ENOSF1: variants seen among roughly 807,000 people sequenced by gnomAD.
The protein encoded by ENOSF1 is mitochondrial enolase superfamily member 1.
Under a neutral mutation model 68.2 loss-of-function variants are expected in ENOSF1, and 73 were observed. The ratio of observed to expected loss-of-function variants is 1.07; its 90% CI spans 0.89 to 1.30. The LOEUF (loss-of-function observed/expected upper bound fraction) is 1.30, where lower values mean the gene tolerates loss of function less well. Among genes scored for constraint, ENOSF1 ranks in the 50% most tolerant of loss-of-function variants. The pLI, the probability that ENOSF1 is intolerant of heterozygous loss-of-function variation, is 0.00. For missense variants in ENOSF1, 589 were observed against 554.5 expected (o/e 1.06, Z -0.62); for synonymous variants, 223 against 210.4 (o/e 1.06, Z -0.52).
the ENOSF1 span, among the ~76,000 whole-genome samples, chr18:664,284 G>GA: frequency 1.7e-4 from 25 of 151,124 alleles, no homozygotes; most frequent in African/African-American, 5.9e-4. Context: ...AAGCAATTGT[G>GA]AGTGGAAGTT....
At position 677,880 on chromosome 18, in the gene ENOSF1, T is replaced by TA. The variant is rs1568018652; in HGVS notation, c.919-9dup. The TA allele has an allele frequency of 2.5e-6, 4 of 1,610,516 alleles. No individual in the cohort carries two copies. The highest frequency in any genetic ancestry group is 3.4e-6 in the Non-Finnish European group (4 of 1,178,996). ...TATCACTCTATTGTGGCACTGGAAA[T>TA]AGAATTGAAAATAACACCAACAGAA... On this transcript the variant is annotated splice_polypyrimidine_tract_variant and intron_variant, in intron 12 of 15. Coordinates refer to ENST00000647584, the MANE Select transcript of ENOSF1 (RefSeq NM_017512.7).
downstream of ENOSF1, chr18:667,818 C>T (rs2074887677): frequency 6.6e-6 from 1 of 152,068 alleles, no homozygotes; most frequent in Non-Finnish European, 1.5e-5. Context: ...TGAGGCCAGT[C>T]CCCGGGCTTA....
Position 675,337 on chromosome 18 carries a change from G to C in ENOSF1, c.1214C>G (p.Ser405Cys). 6.2e-7 allele frequency: 1 copy of C among 1,612,140 alleles called. No homozygotes were observed. The highest frequency in any genetic ancestry group is 1.1e-5 in the South Asian group (1 of 90,140). The change falls in exon 15 of 16, where the codon TCC (serine) becomes TGC (cysteine). Residue 405 changes from serine (S) to cysteine (C), a missense_variant. Physicochemically the swap from Ser to Cys is moderately radical, Grantham distance 112 (BLOSUM62 -1). Coordinates refer to ENST00000647584, the MANE Select transcript of ENOSF1 (RefSeq NM_017512.7). The part of the protein sequence containing the change: ...FKYPVMIQRA[S>C]YMPPKDPGYS... ...ACAGCTTACCTTGGGAGGCATGTAG[G>C]AAGCCCGCTGGATCATCACGGGATA...
At chr18:679,532 T>C (rs1340148555) in intron 11 of ENOSF1, among the ~76,000 whole-genome samples, 1 of 147,958 alleles carries the variant, frequency 6.8e-6, no homozygotes, top group African/African-American at 2.5e-5. Flanking sequence ...GATTCCAAAA[T>C]CCTCTTCCTT....
intron 3 of ENOSF1, among the ~76,000 whole-genome samples, chr18:694,910 T>C (rs1444138936): frequency 6.6e-6 from 1 of 152,162 alleles, no homozygotes; most frequent in Admixed American, 6.5e-5. Context: ...AAGTTGCAAA[T>C]ATCATGCTCT....
chr18:694,269 CA>C lies in ENOSF1; in HGVS notation c.374del (p.Leu125CysfsTer26). The C allele has an allele frequency of 6.2e-7, 1 of 1,614,226 alleles. No homozygotes were observed. The highest frequency in any genetic ancestry group is 8.5e-7 in the Non-Finnish European group (1 of 1,180,048). ...TTACCTTTCCCTCCTGCTTGGCCCACAAGTCCCACACCGCGTTTAGGACGGC... is the reference window on the plus strand; with the variant it reads ...TTACCTTTCCCTCCTGCTTGGCCCACAGTCCCACACCGCGTTTAGGACGGC... ...TAAVLNAVWDLWAKQEGKPVW... is the reference protein window; with the variant it reads ...TAAVLNAVWDXWAKQEGKPVW... On this transcript the variant is annotated frameshift_variant, in exon 4 of 16. Coordinates refer to ENST00000647584, the MANE Select transcript of ENOSF1 (RefSeq NM_017512.7). LOFTEE classifies it high-confidence loss of function.
chr18:671,519 G>C lies in ENOSF1; in HGVS notation c.*2786C>G, dbSNP rs1482600465. On this transcript the variant is annotated 3_prime_UTR_variant, in exon 16 of 16. Transcript: ENST00000647584. ...TGATAAAAGGTTGACTGTGGAACAG[G>C]CATCTGCTCAATGCTGTGTCCAAGA... The C allele has an allele frequency of 9.8e-7, 1 of 1,025,332 alleles. No individual in the cohort carries two copies. Among genetic ancestry groups the C allele is most frequent in the East Asian group, 2.4e-5 (1 of 42,252 alleles). The allele number at this position is 1,025,332 out of a possible 1,614,324, so 63.5% of individuals were successfully genotyped here.
At chr18:669,056 T>G (rs1424874170), downstream of ENOSF1, 1 of 1,608,238 alleles carries the variant, frequency 6.2e-7, no homozygotes, top group South Asian at 1.1e-5. Flanking sequence ...GTCCTCTCTT[T>G]TTGACAATTC....
At chr18:677,273 C>G (rs1169304192) in intron 14 of ENOSF1, 72 bp downstream of exon 14, 1 of 1,265,286 alleles carries the variant, frequency 7.9e-7, no homozygotes, top group Non-Finnish European at 1.1e-6. Context: ...GTCATGAAGG[C>G]AGAATTTACA....
rs2075238812 is a variant in ENOSF1, at chr18:674,268, T to C, written c.*37A>G. 7.0e-7 allele frequency: 1 copy of C among 1,419,960 alleles called. No homozygotes were observed. The highest frequency in any genetic ancestry group is 1.2e-5 in the South Asian group (1 of 81,084). 88.0% of individuals were successfully genotyped at this position (1,419,960 alleles called of 1,614,324 possible). A position where few individuals can be genotyped will look rare whatever the true frequency, so the allele number is the denominator to read the frequency against. ...TATTTCCAAGAAATTTTAAGCCCTT[T>C]CACTTCAGAAAGAAAAAAGTTGTTG... On this transcript the variant is annotated 3_prime_UTR_variant, in exon 16 of 16. Coordinates refer to ENST00000647584, the MANE Select transcript of ENOSF1 (RefSeq NM_017512.7).
At chr18:668,953 G>T, downstream of ENOSF1, 1 of 728,386 alleles carries the variant, frequency 1.4e-6, no homozygotes, top group Non-Finnish European at 2.2e-6. Flanking sequence ...CAGATGTCTT[G>T]TAGCCATGGG....
intron 8 of ENOSF1, among the ~76,000 whole-genome samples, chr18:689,051 T>C (rs2076901668): frequency 6.6e-6 from 1 of 152,150 alleles, no homozygotes; most frequent in African/African-American, 2.4e-5. Flanking sequence ...GCCTTGAGCA[T>C]GACGCAACTT....
intron 10 of ENOSF1, among the ~76,000 whole-genome samples, chr18:683,884 G>A (rs569851824): frequency 6.6e-6 from 1 of 152,022 alleles, no homozygotes; most frequent in Non-Finnish European, 1.5e-5. Flanking sequence ...ACTCCACTAG[G>A]CACTTTATGG....
downstream of ENOSF1, chr18:669,009 G>A (rs575637886): frequency 3.6e-6 from 5 of 1,395,824 alleles, no homozygotes; most frequent in South Asian, 1.2e-5. Context: ...TGACCTCTAA[G>A]GCCATCTCAT....
intron 11 of ENOSF1, among the ~76,000 whole-genome samples, chr18:682,531 G>C (rs907966257): frequency 3.9e-5 from 6 of 152,078 alleles, no homozygotes; most frequent in Admixed American, 2.0e-4. Context: ...TGGGGCACAT[G>C]ACTGTGCCAA....
At chr18:668,818 C>A (rs553713794), downstream of ENOSF1, among the ~76,000 whole-genome samples, 13 of 152,098 alleles carry the variant, frequency 8.5e-5, no homozygotes, top group East Asian at 1.5e-3. Context: ...CCATGACAGA[C>A]CAAATATTCA....
chr18:677,535 A>G, intron 13 of ENOSF1, 91 bp from the exon 14 acceptor site: 2 of 1,255,328 alleles, frequency 1.6e-6, no homozygotes, highest in South Asian at 1.4e-5. Flanking sequence ...TATTGCCCAC[A>G]GGTGATTAAA....
intron 11 of ENOSF1, among the ~76,000 whole-genome samples, chr18:682,395 G>A (rs554320226): frequency 1.3e-5 from 2 of 152,152 alleles, no homozygotes; most frequent in East Asian, 1.9e-4. Flanking sequence ...AAGGTAATGC[G>A]TTGCACCACA....
At chr18:693,337 T>C (rs2077396413) in intron 5 of ENOSF1, 24 of 1,207,166 alleles carry the variant, frequency 2.0e-5, no homozygotes, top group Non-Finnish European at 2.5e-5. Flanking sequence ...TTTTTCTTTT[T>C]TTGAGACAGG....
Sources: allele counts gnomAD v4.1 joint callset (sites outside exome capture counted in the v4.1 genomes callset), GRCh38; gene constraint gnomAD v4.1.1; transcripts MANE v1.5; gene names NCBI Gene and HGNC (gene_info 2026-07-23, HGNC 2026-07-21).